PRDM16: variants seen among roughly 807,000 people sequenced by gnomAD.
The protein encoded by PRDM16 is histone-lysine N-methyltransferase PRDM16.
Under a neutral mutation model 110.6 loss-of-function variants are expected in PRDM16, and 23 were observed. The observed-to-expected ratio is 0.21, with a 90% CI of 0.15 to 0.29. The LOEUF (loss-of-function observed/expected upper bound fraction) is 0.29, where lower values mean the gene tolerates loss of function less well. Among genes scored for constraint, PRDM16 ranks in the 10% least tolerant of loss-of-function variants. PRDM16 has a pLI of 1.00. For synonymous variants in PRDM16, 799 were observed against 781.8 expected (o/e 1.02, Z -0.37); for missense variants, 1,615 against 1,794.3 (o/e 0.90, Z 1.81).
chr1:3,199,957 C>G (rs1380048813), intron 2 of PRDM16, among the ~76,000 whole-genome samples: 1 of 152,264 alleles, frequency 6.6e-6, no homozygotes, highest in African/African-American at 2.4e-5. Context: ...CTCTCTCCCC[C>G]CACCAGGGGA....
chr1:3,377,904 G>T (rs1643022956), intron 3 of PRDM16, among the ~76,000 whole-genome samples: 3 of 152,186 alleles, frequency 2.0e-5, no homozygotes, highest in Non-Finnish European at 4.4e-5. Flanking sequence ...TATCTGTACT[G>T]GCCTCCTATG....
At chr1:3,114,543 A>C (rs546130472) in intron 1 of PRDM16, among the ~76,000 whole-genome samples, 6 of 151,784 alleles carry the variant, frequency 4.0e-5, no homozygotes, top group South Asian at 2.1e-4. Flanking sequence ...TGCACACATG[A>C]ACACACACAC....
intron 1 of PRDM16, among the ~76,000 whole-genome samples, chr1:3,117,451 G>A (rs1642986973): frequency 6.6e-6 from 1 of 152,162 alleles, no homozygotes; most frequent in African/African-American, 2.4e-5. Flanking sequence ...TTCTGCCCCA[G>A]AGAGCCTGTG....
intron 1 of PRDM16, among the ~76,000 whole-genome samples, chr1:3,114,938 C>T (rs551911803): frequency 1.3e-5 from 2 of 152,388 alleles, no homozygotes; most frequent in South Asian, 4.1e-4. Context: ...TCCCTGCACA[C>T]TTGGCCAAGG....
chr1:3,307,129 T>A (rs1198153389), intron 3 of PRDM16: 2 of 152,296 alleles, frequency 1.3e-5, no homozygotes, highest in African/African-American at 4.8e-5. Flanking sequence ...TGAATCATGC[T>A]GCTATGAATG....
intron 3 of PRDM16, among the ~76,000 whole-genome samples, chr1:3,352,640 C>CT (rs1642517254): frequency 6.6e-6 from 1 of 152,270 alleles, no homozygotes; most frequent in African/African-American, 2.4e-5. Flanking sequence ...TTCCCGAATA[C>CT]TTGCGCTGGA....
At chr1:3,416,165 T>C (rs568271843) in intron 10 of PRDM16, among the ~76,000 whole-genome samples, 1 of 152,316 alleles carries the variant, frequency 6.6e-6, no homozygotes, top group East Asian at 1.9e-4. Flanking sequence ...TGGGTATTTT[T>C]ATCGTAACCA....
chr1:3,142,446 A>C (rs1179342652), intron 1 of PRDM16, among the ~76,000 whole-genome samples: 2 of 151,786 alleles, frequency 1.3e-5, no homozygotes, highest in African/African-American at 2.4e-5. Context: ...CAGCTGCTCC[A>C]TCAAAGCCTT....
intron 3 of PRDM16, among the ~76,000 whole-genome samples, chr1:3,376,504 G>A (rs1029620628): frequency 2.6e-5 from 4 of 152,144 alleles, no homozygotes; most frequent in Non-Finnish European, 5.9e-5. Flanking sequence ...CCCCCAGCAC[G>A]CCCCACTGCC....
In PRDM16 at chr1:3,290,351, G is replaced by C. The variant is rs1640945529; in HGVS notation, c.438+46214G>C. Among the ~76,000 whole-genome samples the C allele has an allele frequency of 6.6e-6, 1 of 152,186 alleles. No homozygotes were observed. The highest frequency in any genetic ancestry group is 2.4e-5 in the African/African-American group (1 of 41,438). On this transcript the variant is annotated intron_variant, in intron 3 of 16. Coordinates refer to ENST00000270722, the MANE Select transcript of PRDM16 (RefSeq NM_022114.4). The surrounding 1 kb of genome is among the most constrained non-coding windows in gnomAD (Gnocchi z 4.8). Reference sequence around the variant, plus strand: ...CATGCTCAAAATGGCTGGAAGAGGAGAGCCTCTCAGTATCCCCACCTTATA... The same window carrying C: ...CATGCTCAAAATGGCTGGAAGAGGACAGCCTCTCAGTATCCCCACCTTATA...
At chr1:3,298,341 G>A (rs530411911) in intron 3 of PRDM16, among the ~76,000 whole-genome samples, 2 of 152,238 alleles carry the variant, frequency 1.3e-5, no homozygotes, top group Admixed American at 6.5e-5. Flanking sequence ...AGGCCAGAAC[G>A]CACCAGCAGA....
At chr1:3,357,337 T>G (rs1642627271) in intron 3 of PRDM16, among the ~76,000 whole-genome samples, 1 of 151,894 alleles carries the variant, frequency 6.6e-6, no homozygotes, top group Non-Finnish European at 1.5e-5. Flanking sequence ...AGTGGCCTCT[T>G]GTTAAATGCC....
rs747156798 is a variant in PRDM16 at position 3,352,477 on chromosome 1, G to A, written c.439-32675G>A. Among the ~76,000 whole-genome samples the A allele has an allele frequency of 3.5e-4, 53 of 152,260 alleles. 1 individual carries two copies. In the Middle Eastern group the frequency reaches 0.01, roughly 29 times the overall value. On this transcript the variant is annotated intron_variant, in intron 3 of 16. Coordinates refer to ENST00000270722, the MANE Select transcript of PRDM16 (RefSeq NM_022114.4). ...GGACACGGATTCCAGTAGCATTTCC[G>A]CCCTCCGCTCTATCATTTCGTTTGT...
At chr1:3,238,548 G>A (rs781295785) in intron 2 of PRDM16, among the ~76,000 whole-genome samples, 6 of 152,180 alleles carry the variant, frequency 3.9e-5, no homozygotes, top group South Asian at 2.1e-4. Flanking sequence ...TCCTACTCCC[G>A]GTTGAGAGCG....
At chr1:3,161,112 G>A (rs373462738) in intron 1 of PRDM16, among the ~76,000 whole-genome samples, 6 of 152,174 alleles carry the variant, frequency 3.9e-5, no homozygotes, top group Non-Finnish European at 8.8e-5. Context: ...TTCCTCTCCC[G>A]AGAAAGATGG....
In PRDM16 at chr1:3,210,485, C is replaced by T. The variant is rs949607286; in HGVS notation, c.387+24011C>T. Reference sequence around the variant, plus strand: ...CCTGTGGGCATCATGGAAGTGTGTGCGTGCACGCGTGTGTCTGTGCACGCG... The same window carrying T: ...CCTGTGGGCATCATGGAAGTGTGTGTGTGCACGCGTGTGTCTGTGCACGCG... On this transcript the variant is annotated intron_variant, in intron 2 of 16. Coordinates refer to ENST00000270722, the MANE Select transcript of PRDM16 (RefSeq NM_022114.4). Among the ~76,000 whole-genome samples, 7 of 152,240 alleles carry T rather than the reference C, an allele frequency of 4.6e-5. No homozygotes were observed. The South Asian group carries it at 6.2e-4, about 14-fold the overall frequency.
At chr1:3,393,537 T>G (rs536261817) in intron 4 of PRDM16, among the ~76,000 whole-genome samples, 1 of 152,152 alleles carries the variant, frequency 6.6e-6, no homozygotes, top group Non-Finnish European at 1.5e-5. Flanking sequence ...GTACAGTAAA[T>G]GCGCAATTTG....
At chr1:3,070,436 C>T (rs1443005649) in intron 1 of PRDM16, among the ~76,000 whole-genome samples, 4 of 148,280 alleles carry the variant, frequency 2.7e-5, no homozygotes, top group African/African-American at 9.7e-5. Flanking sequence ...GCCAGCGCGG[C>T]TCCCGCAGCC....
rs546927962 is a variant in PRDM16 at position 3,128,640 on chromosome 1, G to A, written c.38-57485G>A. Among the ~76,000 whole-genome samples, 65 of 152,246 alleles carry A rather than the reference G, an allele frequency of 4.3e-4. 1 individual carries two copies. Among genetic ancestry groups the A allele is most frequent in the African/African-American group, 1.4e-3 (57 of 41,520 alleles). On this transcript the variant is annotated intron_variant, in intron 1 of 16. Transcript: ENST00000270722. ...CGGCCGGTGAGCTGTGGAAGGAAGC[G>A]TCCAGCCCTCTGTGGACTGCCCTGT...
Sources: allele counts gnomAD v4.1 joint callset (sites outside exome capture counted in the v4.1 genomes callset), GRCh38; gene constraint gnomAD v4.1.1; non-coding constraint Gnocchi (gnomAD v3.1); transcripts MANE v1.5; gene names NCBI Gene and HGNC (gene_info 2026-07-23, HGNC 2026-07-21).